ZNF236: variants seen among roughly 807,000 people sequenced by gnomAD.
ZNF236 encodes the protein regulated by glucose.
ZNF236 carries 50 observed loss-of-function variants against 191.2 expected under a neutral mutation model. That is an observed-to-expected ratio of 0.26 (90% confidence interval 0.21 to 0.33). ZNF236 has a LOEUF of 0.33. Ranked by LOEUF, ZNF236 falls within the 10% of genes least tolerant of loss-of-function variation. The probability of loss-of-function intolerance (pLI) is 1.00; values close to 1 mark genes in which losing one functional copy is unlikely to be tolerated. For synonymous variants in ZNF236, 907 were observed against 928.8 expected (o/e 0.98, Z 0.43); for missense variants, 1,754 against 2,374.5 (o/e 0.74, Z 5.43).
rs1194010260 is a variant in ZNF236, at chr18:76,832,183, G to A, written c.55+9521G>A. ...CAACATCTGCTTCCTGGGTTCAAGC[G>A]ATTCTTGTACCTCAGCCTCCTGAGT... On this transcript the variant is annotated intron_variant, in intron 1 of 30. Coordinates refer to ENST00000320610, the MANE Select transcript of ZNF236 (RefSeq NM_001306089.2). Among the ~76,000 whole-genome samples the A allele has an allele frequency of 3.9e-5, 6 of 152,108 alleles. No individual in the cohort carries two copies. In the East Asian group the frequency reaches 5.8e-4, roughly 15 times the overall value.
At chr18:76,918,666 C>T (rs1019560545) in intron 19 of ZNF236, among the ~76,000 whole-genome samples, 1 of 151,978 alleles carries the variant, frequency 6.6e-6, no homozygotes, top group Admixed American at 6.6e-5. Flanking sequence ...TGCCAAGCCC[C>T]ACCTTGGCCT....
At chr18:76,935,180 A>G (rs1410839786) in intron 25 of ZNF236, among the ~76,000 whole-genome samples, 1 of 152,232 alleles carries the variant, frequency 6.6e-6, no homozygotes, top group African/African-American at 2.4e-5. Flanking sequence ...ATTTAACTGC[A>G]TGCTTAAGAA....
intron 19 of ZNF236, among the ~76,000 whole-genome samples, chr18:76,918,359 A>C (rs1419318011): frequency 6.6e-6 from 1 of 152,218 alleles, no homozygotes; most frequent in African/African-American, 2.4e-5. Context: ...ACCTACACGC[A>C]TCCACTTGTA....
intron 9 of ZNF236, among the ~76,000 whole-genome samples, chr18:76,892,590 G>T (rs533696992): frequency 6.6e-6 from 1 of 151,890 alleles, no homozygotes; most frequent in African/African-American, 2.4e-5. Context: ...TTATTGAGAT[G>T]GAATTTCGCT....
At chr18:76,921,926 A>G (rs1193269764) in intron 20 of ZNF236, among the ~76,000 whole-genome samples, 1 of 152,002 alleles carries the variant, frequency 6.6e-6, no homozygotes, top group African/African-American at 2.4e-5. Context: ...AAGTGTGATG[A>G]GAAACAAAAA....
chr18:76,923,662 T>G (rs1323329410), intron 21 of ZNF236, among the ~76,000 whole-genome samples: 1 of 152,200 alleles, frequency 6.6e-6, no homozygotes, highest in Non-Finnish European at 1.5e-5. Flanking sequence ...TTCTGCACAG[T>G]GCCTCCTAGC....
At chr18:76,941,509 C>A (rs1266162440) in intron 26 of ZNF236, among the ~76,000 whole-genome samples, 1 of 152,206 alleles carries the variant, frequency 6.6e-6, no homozygotes, top group Non-Finnish European at 1.5e-5. Flanking sequence ...ACCCACTGCA[C>A]AGGTGGCTCC....
chr18:76,888,577 G>C (rs1341366002), intron 9 of ZNF236: 2 of 152,382 alleles, frequency 1.3e-5, no homozygotes, highest in Admixed American at 6.5e-5. Context: ...AAAGCAGAAA[G>C]ACTTTGTGTC....
chr18:76,823,872 C>T (rs998952439), intron 1 of ZNF236, among the ~76,000 whole-genome samples: 1 of 152,164 alleles, frequency 6.6e-6, no homozygotes, highest in Non-Finnish European at 1.5e-5. Context: ...GGTTCCCGTG[C>T]GGCCTTGGAC....
At chr18:76,938,266 T>G (rs1354551984) in intron 26 of ZNF236, among the ~76,000 whole-genome samples, 1 of 152,114 alleles carries the variant, frequency 6.6e-6, no homozygotes, top group African/African-American at 2.4e-5. Context: ...AGTACACACC[T>G]GTAGTACTAG....
intron 25 of ZNF236, among the ~76,000 whole-genome samples, chr18:76,931,720 A>G (rs944997909): frequency 1.1e-4 from 16 of 152,226 alleles, no homozygotes; most frequent in South Asian, 2.1e-4. Context: ...AGAAACTGCA[A>G]TTACTTTTGC....
chr18:76,927,428 G>T lies in ZNF236; in HGVS notation c.4325G>T (p.Gly1442Val). Residue 1442 changes from glycine to valine, a missense_variant, in exon 24 of 31, where the codon GGC (glycine) becomes GTC (valine). Transcript: ENST00000320610. This position sits in a 1 kb window ranked among gnomAD's most constrained non-coding sequence, Gnocchi z 5.4. ...AGTGTTGTCATCCAGCCCATCTCAGGCCTGTCCTTACAGCCCACAGTGACC... is the reference window on the plus strand; with the variant it reads ...AGTGTTGTCATCCAGCCCATCTCAGTCCTGTCCTTACAGCCCACAGTGACC... ...PASVVIQPIS[G>V]LSLQPTVTSA... 1 of 1,614,178 alleles carries T rather than the reference G, an allele frequency of 6.2e-7. No homozygotes were observed. The highest frequency in any genetic ancestry group is 8.5e-7 in the Non-Finnish European group (1 of 1,180,040).
chr18:76,891,042 T>C (rs975947150), intron 9 of ZNF236, among the ~76,000 whole-genome samples: 1 of 152,236 alleles, frequency 6.6e-6, no homozygotes, highest in Non-Finnish European at 1.5e-5. Context: ...ATAATACATG[T>C]ACAAAATATG....
intron 3 of ZNF236, among the ~76,000 whole-genome samples, chr18:76,865,576 G>C (rs1003917206): frequency 6.6e-6 from 1 of 152,156 alleles, no homozygotes; most frequent in Non-Finnish European, 1.5e-5. Flanking sequence ...TTGAGGTCTG[G>C]GGGAGCTGCT....
rs115859089 is a variant in ZNF236, at chr18:76,863,812, C to A, written c.364-4873C>A. ...ATGAAGGAAAACAAACTCTTGCTAGCAGACTTACCCTTAAAGAATCACTGA... is the reference window on the plus strand; with the variant it reads ...ATGAAGGAAAACAAACTCTTGCTAGAAGACTTACCCTTAAAGAATCACTGA... On this transcript the variant is annotated intron_variant, in intron 3 of 30. Coordinates refer to ENST00000320610, the MANE Select transcript of ZNF236 (RefSeq NM_001306089.2). Among the ~76,000 whole-genome samples, 1,472 of 152,284 alleles carry A rather than the reference C, an allele frequency of 9.7e-3. 22 individuals carry two copies. The highest frequency in any genetic ancestry group is 0.033 in the African/African-American group (1,384 of 41,552).
chr18:76,855,840 G>T (rs1325079955), intron 3 of ZNF236, among the ~76,000 whole-genome samples: 2 of 152,116 alleles, frequency 1.3e-5, no homozygotes, highest in African/African-American at 4.8e-5. Context: ...CCATTGCTAC[G>T]AGTGACCTGG....
At chr18:76,955,667 G>A (rs552200484) in intron 27 of ZNF236, among the ~76,000 whole-genome samples, 3 of 152,262 alleles carry the variant, frequency 2.0e-5, no homozygotes, top group African/African-American at 4.8e-5. Flanking sequence ...ACGCGACCAC[G>A]GACTGGTTAA....
intron 7 of ZNF236, among the ~76,000 whole-genome samples, chr18:76,879,189 T>C (rs17652568): frequency 0.17 from 25,232 of 152,156 alleles, 2,587 homozygotes; most frequent in Middle Eastern, 0.27. Context: ...AGAAAAATAG[T>C]CCAGATCATT....
chr18:76,964,666 G>A (rs111303953), intron 30 of ZNF236, among the ~76,000 whole-genome samples: 10,372 of 152,156 alleles, frequency 0.068, 493 homozygotes, highest in Middle Eastern at 0.13. Flanking sequence ...GAGTATTGAA[G>A]TCTCCCACTA....
Sources: allele counts gnomAD v4.1 joint callset (sites outside exome capture counted in the v4.1 genomes callset), GRCh38; gene constraint gnomAD v4.1.1; non-coding constraint Gnocchi (gnomAD v3.1); transcripts MANE v1.5; gene names NCBI Gene and HGNC (gene_info 2026-07-23, HGNC 2026-07-21).